SMCHD1: variants seen among roughly 807,000 people sequenced by gnomAD.
The protein encoded by SMCHD1 is structural maintenance of chromosomes flexible hinge domain-containing protein 1.
A neutral mutation model predicts 254.7 loss-of-function variants in SMCHD1; 78 were observed. The observed-to-expected ratio is 0.31, with a 90% confidence interval of 0.26 to 0.37. The LOEUF (loss-of-function observed/expected upper bound fraction) is 0.37, where lower values mean the gene tolerates loss of function less well. Ranked by LOEUF, SMCHD1 falls within the 10% of genes least tolerant of loss-of-function variation. SMCHD1 has a pLI of 1.00. For missense variants in SMCHD1, 1,840 were observed against 2,408.1 expected, an observed-to-expected ratio of 0.76 and a Z score of 4.94; for synonymous variants, 766 against 794.9, an observed-to-expected ratio of 0.96 and a Z score of 0.61.
At chr18:2,677,594 C>G (rs967423526) in intron 5 of SMCHD1, among the ~76,000 whole-genome samples, 4 of 152,148 alleles carry the variant, frequency 2.6e-5, no homozygotes, top group African/African-American at 9.7e-5. Flanking sequence ...CACTTTCTAT[C>G]TCCTGGCAAT....
Position 2,729,286 on chromosome 18 carries a change from T to C in SMCHD1, c.2925T>C (p.Ala975=), listed in dbSNP as rs763236583. 1.3e-6 allele frequency: 2 copies of C among 1,497,210 alleles called. No homozygotes were observed. The highest frequency in any genetic ancestry group is 8.9e-7 in the Non-Finnish European group (1 of 1,125,792). 92.7% of individuals were successfully genotyped at this position (1,497,210 alleles called of 1,614,324 possible). A position where few individuals can be genotyped will look rare whatever the true frequency, so the allele number is the denominator to read the frequency against. The change falls in exon 24 of 48, where the codon GCT becomes GCC. Residue 975 remains alanine, a synonymous_variant. Coordinates refer to ENST00000320876, the MANE Select transcript of SMCHD1 (RefSeq NM_015295.3). ...KLIVHCKFSG[A]PNLPVYVVDC... is the part of the protein sequence containing the mutation. ...CATCTTTCAAATAGTTTTCAGGTGC[T>C]CCAAACCTTCCAGTCTATGTTGTAG...
intron 29 of SMCHD1, 118 bp downstream of exon 29, chr18:2,744,046 A>ACT: frequency 1.2e-6 from 1 of 868,928 alleles, no homozygotes; most frequent in Non-Finnish European, 1.7e-6. Context: ...AACAGTTGTT[A>ACT]ACAGTAAAAA....
At chr18:2,663,498 A>C (rs1382314868) in intron 1 of SMCHD1, among the ~76,000 whole-genome samples, 1 of 152,174 alleles carries the variant, frequency 6.6e-6, no homozygotes, top group East Asian at 1.9e-4. Flanking sequence ...GCTAATGTAC[A>C]ACTGCTTTAA....
intron 1 of SMCHD1, among the ~76,000 whole-genome samples, chr18:2,663,327 G>A (rs931880167): frequency 6.6e-6 from 1 of 151,702 alleles, no homozygotes; most frequent in Admixed American, 6.6e-5. Context: ...GCCCAGGCTG[G>A]TCTTGAACTC....
intron 34 of SMCHD1, 103 bp from the exon 35 acceptor site, chr18:2,760,549 C>T: frequency 1.4e-6 from 1 of 702,940 alleles, no homozygotes. Context: ...TCTATTCTTC[C>T]TACTCATTTA....
intron 1 of SMCHD1, among the ~76,000 whole-genome samples, chr18:2,656,755 GGGT>G (rs2073073884): frequency 6.6e-6 from 1 of 152,198 alleles, no homozygotes; most frequent in Admixed American, 6.5e-5. Flanking sequence ...GGGTGTCCCC[GGGT>G]TGCCCTGTCG....
chr18:2,701,571 C>A (rs937595163), intron 12 of SMCHD1, among the ~76,000 whole-genome samples: 4 of 152,112 alleles, frequency 2.6e-5, no homozygotes, highest in African/African-American at 7.2e-5. Context: ...TATTAATAAC[C>A]TAGTTGTGCA....
At chr18:2,671,425 T>C (rs2073597341) in intron 3 of SMCHD1, among the ~76,000 whole-genome samples, 1 of 152,130 alleles carries the variant, frequency 6.6e-6, no homozygotes, top group South Asian at 2.1e-4. Flanking sequence ...TCAGTTTTCA[T>C]TCATACCATC....
chr18:2,682,029 A>G (rs986386129), intron 5 of SMCHD1, among the ~76,000 whole-genome samples: 8 of 152,214 alleles, frequency 5.3e-5, no homozygotes, highest in East Asian at 1.9e-4. Context: ...GTTTACTTGA[A>G]TGTTGGGAAT....
chr18:2,794,781 A>T (rs1160109563), intron 45 of SMCHD1, among the ~76,000 whole-genome samples: 1 of 152,222 alleles, frequency 6.6e-6, no homozygotes, highest in African/African-American at 2.4e-5. Flanking sequence ...AAACCTACAG[A>T]TTAAACATTG....
At chr18:2,720,079 G>A (rs954666276) in intron 19 of SMCHD1, among the ~76,000 whole-genome samples, 34 of 151,934 alleles carry the variant, frequency 2.2e-4, no homozygotes, top group African/African-American at 7.3e-4. Flanking sequence ...TTCCTGCCTC[G>A]GCCTCCCAAA....
At chr18:2,672,116 C>T (rs1394798681) in intron 3 of SMCHD1, among the ~76,000 whole-genome samples, 1 of 152,168 alleles carries the variant, frequency 6.6e-6, no homozygotes, top group Non-Finnish European at 1.5e-5. Context: ...AGCCAGATTA[C>T]CCTTGTACAT....
chr18:2,799,270 T>TA (rs1377016516), intron 47 of SMCHD1, among the ~76,000 whole-genome samples: 2 of 152,162 alleles, frequency 1.3e-5, no homozygotes, highest in Admixed American at 1.3e-4. Flanking sequence ...TCTTTTTTTT[T>TA]AAATACAAAG....
At chr18:2,783,042 CTATT>C (rs1374424139) in intron 44 of SMCHD1, among the ~76,000 whole-genome samples, 3 of 152,176 alleles carry the variant, frequency 2.0e-5, no homozygotes, top group Admixed American at 6.5e-5. Flanking sequence ...AATTCAGAGA[CTATT>C]TAGCCCCAAT....
In SMCHD1 at chr18:2,703,800, C is replaced by T. The variant is rs753839850; in HGVS notation, c.1756C>T (p.Pro586Ser). 2.0e-5 allele frequency: 33 copies of T among 1,612,794 alleles called. No individual in the cohort carries two copies. The East Asian group carries it at 5.4e-4, about 26-fold the overall frequency. The change falls in exon 13 of 48, where the codon CCT becomes TCT. Residue 586 changes from proline (P) to serine (S), a missense_variant. By Grantham distance (74) the Pro-to-Ser change is moderately conservative. Transcript: ENST00000320876. ...ACTTTTTAAGGGAGTAATTACACGT[C>T]CTGATCTTCCTTCTAAAAAGCAAGG... The part of the protein sequence containing the change: ...FTLFKGVITR[P>S]DLPSKKQGPW...
At chr18:2,719,677 AT>A (rs59838462) in intron 19 of SMCHD1, among the ~76,000 whole-genome samples, 2 of 144,840 alleles carry the variant, frequency 1.4e-5, no homozygotes, top group Non-Finnish European at 3.0e-5. Flanking sequence ...ACTGCACCTA[AT>A]TTTTTTTTTT....
chr18:2,696,346 C>T (rs976068081), intron 8 of SMCHD1, among the ~76,000 whole-genome samples: 3 of 152,160 alleles, frequency 2.0e-5, no homozygotes, highest in Non-Finnish European at 2.9e-5. Context: ...CCCGAGTGAG[C>T]ATTACCACCT....
rs1025074766 is a variant in SMCHD1, at chr18:2,775,936, G to A, written c.5366+12G>A. On this transcript the variant is annotated intron_variant, in intron 42 of 47. Coordinates refer to ENST00000320876, the MANE Select transcript of SMCHD1 (RefSeq NM_015295.3). The stretch of plus-strand genomic sequence containing the variant: ...CCAGATTGGAAAAGGTTAGAAAAAA[G>A]TGAAAGTAATTTTTTTTCTGAAATA... 6.4e-7 allele frequency: 1 copy of A among 1,550,616 alleles called. No homozygotes were observed.
chr18:2,726,055 T>C (rs1044017774), intron 21 of SMCHD1, among the ~76,000 whole-genome samples: 2 of 151,920 alleles, frequency 1.3e-5, no homozygotes, highest in Admixed American at 1.3e-4. Context: ...GAGTACCACA[T>C]TGCATTTCAA....
Sources: gnomAD v4.1 joint callset for allele counts (sites outside exome capture counted in the v4.1 genomes callset) on GRCh38, gnomAD v4.1.1 for gene constraint, MANE v1.5 for transcripts, NCBI Gene and HGNC (gene_info 2026-07-23, HGNC 2026-07-21) for gene names.